The following SLC39A11 variants were observed in gnomAD, a reference collection of about 807,000 sequenced individuals.
The protein encoded by SLC39A11 is solute carrier family 39 member 11.
In SLC39A11, 33 loss-of-function variants were observed where a neutral mutation model predicts 36.1. That is an observed-to-expected ratio of 0.91 (90% CI 0.69 to 1.22). The LOEUF is 1.22. Ranked by LOEUF, SLC39A11 falls within the 50% of genes most tolerant of loss-of-function variation. The pLI, the probability that SLC39A11 is intolerant of heterozygous loss-of-function variation, is 0.00. For missense variants in SLC39A11, 432 were observed against 430.3 expected (o/e 1.00, Z -0.03); for synonymous variants, 166 against 170.3 (o/e 0.97, Z 0.20).
In SLC39A11 at chr17:72,646,030, A is replaced by G. The variant is rs765696825; in HGVS notation, c.*1554T>C. 9 of 152,666 alleles carry G rather than the reference A, an allele frequency of 5.9e-5. No individual in the cohort carries two copies. Among genetic ancestry groups the G allele is most frequent in the Non-Finnish European group, 8.8e-5 (6 of 68,050 alleles). The allele number at this position is 152,666 out of a possible 1,614,324, so 9.5% of individuals were successfully genotyped here. On this transcript the variant is annotated 3_prime_UTR_variant, in exon 10 of 10. Coordinates refer to ENST00000255559, the MANE Select transcript of SLC39A11 (RefSeq NM_139177.4). The stretch of plus-strand genomic sequence containing the variant: ...GAAAGCACAATTTGCATTATGTAGA[A>G]CTACATACAAAGACATAAAAATAAA...
chr17:72,824,005 C>T (rs181081616), intron 6 of SLC39A11: 58 of 151,044 alleles, frequency 3.8e-4, no homozygotes, highest in African/African-American at 1.4e-3. Context: ...TTTTTCAATG[C>T]CAAAGTTGTA....
chr17:72,928,815 A>G (rs1034300805), intron 5 of SLC39A11, among the ~76,000 whole-genome samples: 10 of 152,204 alleles, frequency 6.6e-5, no homozygotes, highest in African/African-American at 1.9e-4. Context: ...TTCATCACCA[A>G]GGATCTTTGG....
intron 7 of SLC39A11, among the ~76,000 whole-genome samples, chr17:72,715,790 G>A (rs774380408): frequency 3.6e-4 from 54 of 152,026 alleles, no homozygotes; most frequent in Admixed American, 1.9e-3. Flanking sequence ...TGCAGCCTCC[G>A]CCACCCGGGT....
At chr17:73,017,141 G>T (rs2148552825) in intron 4 of SLC39A11, among the ~76,000 whole-genome samples, 1 of 152,304 alleles carries the variant, frequency 6.6e-6, no homozygotes, top group South Asian at 2.1e-4. Context: ...GGGGAAAAAT[G>T]AGGCCAAAAA....
intron 5 of SLC39A11, among the ~76,000 whole-genome samples, chr17:72,937,158 C>T (rs1451324293): frequency 6.6e-6 from 1 of 152,204 alleles, no homozygotes; most frequent in Non-Finnish European, 1.5e-5. Flanking sequence ...ATCTCACTGG[C>T]AGTCAGATAC....
intron 5 of SLC39A11, among the ~76,000 whole-genome samples, chr17:72,873,773 G>A (rs1259399568): frequency 6.6e-6 from 1 of 152,082 alleles, no homozygotes; most frequent in African/African-American, 2.4e-5. Context: ...TCCCAGAAAC[G>A]GTTTGGCTCT....
intron 5 of SLC39A11, among the ~76,000 whole-genome samples, chr17:72,900,153 A>AAAAGAAAGAAAGAAAG (rs201428795): frequency 1.5e-4 from 9 of 61,330 alleles, no homozygotes; most frequent in East Asian, 4.0e-4. Flanking sequence ...AGAAAGAAAG[A>AAAAGAAAGAAAGAAAG]AAAGAAAGAA....
intron 4 of SLC39A11, among the ~76,000 whole-genome samples, chr17:72,962,834 G>A (rs1360573928): frequency 1.3e-5 from 2 of 152,166 alleles, no homozygotes; most frequent in African/African-American, 4.8e-5. Context: ...ATCGGGCCCG[G>A]CCAGCCCTTA....
chr17:72,735,604 T>C (rs2074393666), intron 7 of SLC39A11, among the ~76,000 whole-genome samples: 1 of 152,174 alleles, frequency 6.6e-6, no homozygotes, highest in South Asian at 2.1e-4. Context: ...CTTTAGATAG[T>C]GCGCGTGCTG....
intron 5 of SLC39A11, among the ~76,000 whole-genome samples, chr17:72,929,215 C>G (rs567965649): frequency 6.6e-6 from 1 of 152,284 alleles, no homozygotes; most frequent in Admixed American, 6.5e-5. Flanking sequence ...TTGTAGACAG[C>G]CCTCTAGCGA....
chr17:72,732,446 G>A (rs1447824536), intron 7 of SLC39A11, among the ~76,000 whole-genome samples: 3 of 152,090 alleles, frequency 2.0e-5, no homozygotes, highest in Admixed American at 6.5e-5. Context: ...ACAGCGCCTC[G>A]CATTTAGTCT....
chr17:72,986,149 T>C (rs2088732484), intron 4 of SLC39A11, among the ~76,000 whole-genome samples: 1 of 152,160 alleles, frequency 6.6e-6, no homozygotes, highest in Non-Finnish European at 1.5e-5. Context: ...ATGTCTGTTG[T>C]TTAAGCTATT....
chr17:72,678,423 A>G (rs1239182798), intron 7 of SLC39A11, among the ~76,000 whole-genome samples: 1 of 152,108 alleles, frequency 6.6e-6, no homozygotes, highest in Non-Finnish European at 1.5e-5. Flanking sequence ...CTCCAAGAAC[A>G]TGGCCAGGCA....
intron 5 of SLC39A11, among the ~76,000 whole-genome samples, chr17:72,899,458 G>C (rs1265923571): frequency 6.6e-6 from 1 of 152,128 alleles, no homozygotes; most frequent in African/African-American, 2.4e-5. Flanking sequence ...GGGGAGCGAA[G>C]GAATCTTATG....
chr17:72,727,060 G>T (rs1177449379), intron 7 of SLC39A11, among the ~76,000 whole-genome samples: 1 of 152,196 alleles, frequency 6.6e-6, no homozygotes, highest in African/African-American at 2.4e-5. Context: ...GTCAAGGCAG[G>T]TCCACAGACT....
At chr17:73,018,523 G>A (rs978258854) in intron 4 of SLC39A11, among the ~76,000 whole-genome samples, 1 of 151,872 alleles carries the variant, frequency 6.6e-6, no homozygotes, top group Non-Finnish European at 1.5e-5. Context: ...ACTCCAGCCT[G>A]GGAAACACGG....
intron 5 of SLC39A11, among the ~76,000 whole-genome samples, chr17:72,873,447 C>G (rs1251629224): frequency 8.9e-6 from 1 of 112,844 alleles, no homozygotes; most frequent in Non-Finnish European, 1.8e-5. Context: ...AGATACATCT[C>G]CCATCCTTCC....
chr17:72,940,988 G>C (rs565931524), intron 5 of SLC39A11, among the ~76,000 whole-genome samples: 1 of 152,170 alleles, frequency 6.6e-6, no homozygotes, highest in Non-Finnish European at 1.5e-5. Context: ...ATAAGAAAAG[G>C]AGATTGGGAC....
At position 72,927,412 on chromosome 17, in the gene SLC39A11, T is replaced by C. The variant is rs181261773; in HGVS notation, c.430+20340A>G. On this transcript the variant is annotated intron_variant, in intron 5 of 9. Transcript: ENST00000255559. ...CACTGAAGCATTTCCAAGCCTGTTG[T>C]TGTGCCTTCAGGTATATGAAATTCA... is the stretch of plus-strand genomic sequence containing the variant. Among the ~76,000 whole-genome samples, 173 of 152,332 alleles carry C rather than the reference T, an allele frequency of 1.1e-3. 1 individual carries two copies. Among genetic ancestry groups the C allele is most frequent in the African/African-American group, 3.9e-3 (164 of 41,572 alleles).
Sources: allele counts gnomAD v4.1 joint callset (sites outside exome capture counted in the v4.1 genomes callset), GRCh38; gene constraint gnomAD v4.1.1; transcripts MANE v1.5; gene names NCBI Gene and HGNC (gene_info 2026-07-23, HGNC 2026-07-21).